The following TCF7 variants were observed in gnomAD, a reference collection of about 807,000 sequenced individuals.
TCF7 encodes the protein transcription factor 7, also known as T-cell-factor-7.
Under a neutral mutation model 46.8 loss-of-function variants are expected in TCF7, and 19 were observed. The ratio of observed to expected loss-of-function variants is 0.41; its 90% confidence interval spans 0.28 to 0.60. The LOEUF is 0.60. TCF7 is among the 20% of genes least tolerant of loss of function. The pLI, the probability that TCF7 is intolerant of heterozygous loss-of-function variation, is 0.35. For synonymous variants in TCF7, 245 were observed against 213.4 expected, an observed-to-expected ratio of 1.15 and a Z score of -1.29; for missense variants, 547 against 504.6, an observed-to-expected ratio of 1.08 and a Z score of -0.81.
upstream of TCF7, among the ~76,000 whole-genome samples, chr5:134,110,025 G>C (rs535057133): frequency 2.8e-4 from 43 of 152,284 alleles, no homozygotes; most frequent in Non-Finnish European, 5.4e-4. Context: ...ACTCCTTCCT[G>C]GGGAAATTCA....
At chr5:134,113,969 A>G (rs1042642730), upstream of TCF7, among the ~76,000 whole-genome samples, 2 of 152,034 alleles carry the variant, frequency 1.3e-5, no homozygotes, top group Non-Finnish European at 2.9e-5. Context: ...CCGAGTTGGG[A>G]GAGTCATAGG....
chr5:134,143,293 T>C (rs1290034302), intron 8 of TCF7, 193 bp downstream of exon 8: 2 of 758,946 alleles, frequency 2.6e-6, no homozygotes, highest in East Asian at 4.9e-5. Context: ...CACTCCAGAA[T>C]ATGCTCACAC....
rs1187999114 is a variant in TCF7, at chr5:134,142,714, C to T, written c.756-7C>T. On this transcript the variant is annotated splice_region_variant and splice_polypyrimidine_tract_variant and intron_variant, in intron 6 of 9. Transcript: ENST00000342854. The stretch of plus-strand genomic sequence containing the variant: ...GCTCCTGAACAATCTGGATTTGTGC[C>T]CCTCAGGAAGACACAAGCAGAGTCC... The T allele has an allele frequency of 1.2e-6, 2 of 1,613,440 alleles. No individual in the cohort carries two copies.
rs115051073 is a variant in TCF7 at position 134,137,476 on chromosome 5, C to T, written c.442-583C>T. Among the ~76,000 whole-genome samples, 415 of 149,674 alleles carry T rather than the reference C, an allele frequency of 2.8e-3. 2 individuals are homozygous for T. The highest frequency in any genetic ancestry group is 9.1e-3 in the African/African-American group (372 of 40,656). On this transcript the variant is annotated intron_variant, in intron 3 of 9. Transcript: ENST00000342854. ...AGAAAAAAGAAAAGTAAGAGTCCTG[C>T]GGTGCTGAGGAAACAGGAAGTACGG...
In TCF7 at chr5:134,115,322, C is replaced by T; in HGVS notation, c.251C>T (p.Ala84Val). The change falls in exon 2 of 10, where the codon GCT becomes GTT. Residue 84 changes from alanine (A) to valine (V), a missense_variant and splice_region_variant. By Grantham distance (64) the Ala-to-Val change is moderately conservative (BLOSUM62 0). Transcript: ENST00000342854. ...ACTCCCCTCCGGTTCTCCCTCCAGG[C>T]TCTCGGGCGGGAACACGCTGCGCAG... ...AGAGARGEAE[A>V]LGREHAAQRL... 3.2e-6 allele frequency: 5 copies of T among 1,583,302 alleles called. No homozygotes were observed. Among genetic ancestry groups the T allele is most frequent in the Non-Finnish European group, 3.4e-6 (4 of 1,165,896 alleles).
intron 3 of TCF7, among the ~76,000 whole-genome samples, chr5:134,126,896 C>CA (rs111604522): frequency 0.01 from 1,318 of 125,628 alleles, 8 homozygotes; most frequent in South Asian, 0.036. Flanking sequence ...GACTCTATCT[C>CA]AAAAAAAAAA....
chr5:134,111,424 G>C (rs1755327739), upstream of TCF7, among the ~76,000 whole-genome samples: 2 of 152,066 alleles, frequency 1.3e-5, no homozygotes, highest in South Asian at 2.1e-4. Context: ...CACCTCCAGG[G>C]GGGCAACCAC....
intron 5 of TCF7, chr5:134,139,893 T>A (rs1759479410): frequency 6.6e-6 from 1 of 152,172 alleles, no homozygotes; most frequent in South Asian, 2.1e-4. Context: ...TGAATACAAA[T>A]TAAGACTACT....
intron 3 of TCF7, 92 bp from the exon 4 acceptor site, chr5:134,137,967 C>T: frequency 1.8e-6 from 2 of 1,126,702 alleles, no homozygotes; most frequent in Non-Finnish European, 2.5e-6. Flanking sequence ...CACCACTTTT[C>T]TTTGACAGCT....
Position 134,147,329 on chromosome 5 carries a change from A to AAATC in TCF7, c.*1027_*1030dup, listed in dbSNP as rs1456373360. On this transcript the variant is annotated 3_prime_UTR_variant, in exon 10 of 10. Coordinates refer to ENST00000342854, the MANE Select transcript of TCF7 (RefSeq NM_003202.5). Reference sequence around the variant, plus strand: ...CAACAGTTCAAAGAAGTCATGGCCCAAATCCAGTGTGCACCCCTCCCCATT... The same window carrying AAATC: ...CAACAGTTCAAAGAAGTCATGGCCCAAATCAATCCAGTGTGCACCCCTCCCCATT... The AAATC allele has an allele frequency of 6.6e-6, 1 of 152,254 alleles. No homozygotes were observed. The highest frequency in any genetic ancestry group is 2.4e-5 in the African/African-American group (1 of 41,408). 9.4% of individuals were successfully genotyped at this position (152,254 alleles called of 1,614,324 possible).
rs545279557 is a variant in TCF7, at chr5:134,131,026, A to G, written c.442-7033A>G. 7.9e-4 allele frequency among the ~76,000 whole-genome samples: 120 copies of G among 152,294 alleles called. 1 individual carries two copies. The highest frequency in any genetic ancestry group is 4.4e-3 in the Admixed American group (68 of 15,296). ...TTCCTCCTCAGATGAGGAGGATAGC[A>G]TAGACTTCTAGGAGGAAGTCTCATT... On this transcript the variant is annotated intron_variant, in intron 3 of 9. Transcript: ENST00000342854.
upstream of TCF7, among the ~76,000 whole-genome samples, chr5:134,112,324 G>T (rs1287960450): frequency 6.6e-6 from 1 of 152,176 alleles, no homozygotes; most frequent in Non-Finnish European, 1.5e-5. Flanking sequence ...GCAGCCAATG[G>T]CTCCTGGAAG....
At chr5:134,143,240 C>T (rs1213873374) in intron 8 of TCF7, 140 bp downstream of exon 8, 2 of 865,202 alleles carry the variant, frequency 2.3e-6, no homozygotes, top group African/African-American at 1.7e-5. Context: ...TCCAAGGCCT[C>T]CCATGGCTGC....
upstream of TCF7, among the ~76,000 whole-genome samples, chr5:134,113,274 G>T (rs1755382258): frequency 6.6e-6 from 1 of 152,230 alleles, no homozygotes; most frequent in African/African-American, 2.4e-5. Context: ...CCAGCCTGGG[G>T]AAAGGAGGAA....
intron 9 of TCF7, 188 bp from the exon 10 acceptor site, chr5:134,146,036 C>T (rs1760651091): frequency 1.3e-6 from 2 of 1,527,084 alleles, no homozygotes; most frequent in African/African-American, 1.4e-5. Flanking sequence ...GTTCTGGGAA[C>T]TGCACCTGTC....
At chr5:134,144,968 A>C in intron 9 of TCF7, 2 of 1,043,168 alleles carry the variant, frequency 1.9e-6, no homozygotes, top group Non-Finnish European at 1.5e-6. Context: ...TTGGCCCCTC[A>C]GCCCACTAGC....
intron 3 of TCF7, among the ~76,000 whole-genome samples, chr5:134,127,619 C>T (rs73790162): frequency 0.047 from 7,203 of 152,244 alleles, 482 homozygotes; most frequent in African/African-American, 0.15. Context: ...GGTATGGGTG[C>T]GCCCGCCCAC....
intron 3 of TCF7, among the ~76,000 whole-genome samples, chr5:134,120,130 G>C (rs1020629916): frequency 4.6e-5 from 7 of 152,136 alleles, no homozygotes; most frequent in Non-Finnish European, 7.4e-5. Context: ...AGGCCACAGG[G>C]TGTCCAACAG....
chr5:134,124,897 T>C (rs1365843765), intron 3 of TCF7, among the ~76,000 whole-genome samples: 1 of 152,066 alleles, frequency 6.6e-6, no homozygotes, highest in East Asian at 1.9e-4. Context: ...TGGTGGCAAA[T>C]CACCTCCTCC....
Sources: allele counts gnomAD v4.1 joint callset (sites outside exome capture counted in the v4.1 genomes callset), GRCh38; gene constraint gnomAD v4.1.1; transcripts MANE v1.5; gene names NCBI Gene and HGNC (gene_info 2026-07-23, HGNC 2026-07-21).